Variants in GPHN observed in about 807,000 individuals in gnomAD.
GPHN encodes gephyrin.
Under a neutral mutation model 95.5 loss-of-function variants are expected in GPHN, and 17 were observed. That is an observed-to-expected ratio of 0.18 (90% CI 0.12 to 0.27). GPHN has a LOEUF of 0.27. Among genes scored for constraint, GPHN ranks in the 10% least tolerant of loss-of-function variants. The pLI is 1.00. For synonymous variants in GPHN, 320 were observed against 322.5 expected, an observed-to-expected ratio of 0.99 and a Z score of 0.08; for missense variants, 660 against 978.1, an observed-to-expected ratio of 0.67 and a Z score of 4.34.
the GPHN span, chr14:67,692,735 G>A: frequency 2.0e-6 from 2 of 1,012,424 alleles, no homozygotes; most frequent in South Asian, 1.7e-5. Flanking sequence ...TAGCAAATAG[G>A]TAAAGAAAAA....
chr14:66,691,976 A>G (rs1027128724), intron 2 of GPHN, among the ~76,000 whole-genome samples: 2 of 152,228 alleles, frequency 1.3e-5, no homozygotes, highest in Non-Finnish European at 1.5e-5. Flanking sequence ...ATGTTTGACA[A>G]TAAAATCAAA....
chr14:67,486,424 G>A, the GPHN span, among the ~76,000 whole-genome samples: 1 of 152,206 alleles, frequency 6.6e-6, no homozygotes, highest in Admixed American at 6.5e-5. Context: ...ACAGGTGCAT[G>A]CCACAATGCC....
the GPHN span, chr14:67,586,948 A>G: frequency 6.5e-7 from 1 of 1,544,576 alleles, no homozygotes; most frequent in Admixed American, 2.0e-5. Context: ...ATTTTCTCCC[A>G]GGTGGGTATT....
At chr14:66,704,237 A>G (rs1457994493) in intron 2 of GPHN, among the ~76,000 whole-genome samples, 1 of 152,128 alleles carries the variant, frequency 6.6e-6, no homozygotes, top group Non-Finnish European at 1.5e-5. Flanking sequence ...TTAACACCCC[A>G]CTGTCAATAT....
At chr14:66,960,451 G>C (rs1243246306) in intron 8 of GPHN, among the ~76,000 whole-genome samples, 1 of 151,440 alleles carries the variant, frequency 6.6e-6, no homozygotes. Context: ...GTAGTTATTT[G>C]TTTGTTATTC....
At chr14:67,560,495 A>T in the GPHN span, among the ~76,000 whole-genome samples, 1 of 152,238 alleles carries the variant, frequency 6.6e-6, no homozygotes. Context: ...TTCCAAACAG[A>T]AACTCTGTAC....
the GPHN span, chr14:67,720,794 G>A: frequency 6.6e-6 from 1 of 152,320 alleles, no homozygotes; most frequent in Admixed American, 6.5e-5. Flanking sequence ...CAAAGTGTTT[G>A]TGTATTTTCA....
intron 8 of GPHN, among the ~76,000 whole-genome samples, chr14:66,963,938 A>G (rs1470378983): frequency 6.6e-6 from 1 of 152,140 alleles, no homozygotes; most frequent in Non-Finnish European, 1.5e-5. Flanking sequence ...CTTTTCACAT[A>G]GTAAGTGATA....
At chr14:67,268,422 G>C in the GPHN span, among the ~76,000 whole-genome samples, 207 of 152,290 alleles carry the variant, frequency 1.4e-3, 2 homozygotes, top group Non-Finnish European at 1.3e-3. Context: ...AGAGTAAAAT[G>C]AAAGCAAGTT....
At chr14:67,632,442 TCACA>T in the GPHN span, among the ~76,000 whole-genome samples, 2 of 152,172 alleles carry the variant, frequency 1.3e-5, no homozygotes. Flanking sequence ...GCACCTTTGA[TCACA>T]CACAGTGTAT....
chr14:67,479,267 G>T, the GPHN span, among the ~76,000 whole-genome samples: 1 of 151,184 alleles, frequency 6.6e-6, no homozygotes, highest in Non-Finnish European at 1.5e-5. Context: ...TTAGCTGGGC[G>T]TGGTGGCGTG....
At chr14:67,521,305 G>C in the GPHN span, among the ~76,000 whole-genome samples, 1 of 152,176 alleles carries the variant, frequency 6.6e-6, no homozygotes, top group Non-Finnish European at 1.5e-5. Context: ...TTGTGACAGG[G>C]GAAGCAAATG....
chr14:66,571,005 GA>G (rs1318288378), intron 1 of GPHN, among the ~76,000 whole-genome samples: 1 of 151,998 alleles, frequency 6.6e-6, no homozygotes, highest in Non-Finnish European at 1.5e-5. Context: ...ATATATTCTG[GA>G]TATTAAGCTC....
At chr14:67,338,818 T>C in the GPHN span, 1 of 1,476,868 alleles carries the variant, frequency 6.8e-7, no homozygotes, top group Non-Finnish European at 9.2e-7. Flanking sequence ...ATTAAGTAGA[T>C]TTGATTTCTT....
the GPHN span, among the ~76,000 whole-genome samples, chr14:67,596,296 T>TA: frequency 1.3e-4 from 1 of 7,692 alleles, no homozygotes; most frequent in Non-Finnish European, 3.0e-4. Context: ...GCCCAGCTAA[T>TA]TTTTTTTTTT....
intron 2 of GPHN, among the ~76,000 whole-genome samples, chr14:66,693,572 A>G (rs1317287546): frequency 6.6e-6 from 1 of 152,182 alleles, no homozygotes; most frequent in Non-Finnish European, 1.5e-5. Flanking sequence ...AGAGAAATTT[A>G]TATCCCAGCT....
chr14:66,643,895 A>G (rs374448081), intron 1 of GPHN, among the ~76,000 whole-genome samples: 3 of 151,910 alleles, frequency 2.0e-5, no homozygotes, highest in East Asian at 3.8e-4. Context: ...CGATCAGTTT[A>G]ATAATACTGA....
intron 11 of GPHN, among the ~76,000 whole-genome samples, chr14:67,069,593 C>T (rs1385090385): frequency 2.6e-5 from 4 of 152,136 alleles, no homozygotes; most frequent in African/African-American, 4.8e-5. Context: ...AGTGGAAAAA[C>T]AAAGAACCTA....
chr14:66,876,502 C>A (rs1177663681), intron 4 of GPHN, among the ~76,000 whole-genome samples: 3 of 151,794 alleles, frequency 2.0e-5, no homozygotes, highest in Non-Finnish European at 2.9e-5. Flanking sequence ...AGAACACTAG[C>A]CAGACTAATG....
Sources: gnomAD v4.1 joint callset for allele counts (sites outside exome capture counted in the v4.1 genomes callset) on GRCh38, gnomAD v4.1.1 for gene constraint, MANE v1.5 for transcripts, NCBI Gene and HGNC (gene_info 2026-07-23, HGNC 2026-07-21) for gene names.